The following NNMT variants were observed in gnomAD, a reference collection of about 807,000 sequenced individuals.
NNMT encodes the protein nicotinamide N-methyltransferase.
Under a neutral mutation model 11.7 loss-of-function variants are expected in NNMT, and 10 were observed. That is an observed-to-expected ratio of 0.85 (90% confidence interval 0.53 to 1.45). NNMT has a LOEUF of 1.45. NNMT is among the 40% of genes most tolerant of loss of function. The pLI is 0.00. For synonymous variants in NNMT, 143 were observed against 133.8 expected (o/e 1.07, Z -0.48); for missense variants, 381 against 319.4 (o/e 1.19, Z -1.47).
upstream of NNMT, chr11:114,296,309 AC>A (rs1591835573): frequency 2.3e-6 from 1 of 442,428 alleles, no homozygotes; most frequent in East Asian, 3.8e-5. Flanking sequence ...CCTCTACCAT[AC>A]CCTCCACCCC....
At chr11:114,268,070 A>T (rs1411125558) in intron 2 of NNMT, among the ~76,000 whole-genome samples, 1 of 152,192 alleles carries the variant, frequency 6.6e-6, no homozygotes, top group Non-Finnish European at 1.5e-5. Flanking sequence ...AGGGCCTGAA[A>T]TGGGGCTGGG....
At chr11:114,278,853 T>C (rs1367664089) in intron 2 of NNMT, among the ~76,000 whole-genome samples, 1 of 152,116 alleles carries the variant, frequency 6.6e-6, no homozygotes, top group Non-Finnish European at 1.5e-5. Context: ...GCTCCAAGTG[T>C]ACACAGGAGT....
At chr11:114,258,949 T>C (rs539738319) in intron 1 of NNMT, among the ~76,000 whole-genome samples, 1 of 152,274 alleles carries the variant, frequency 6.6e-6, no homozygotes, top group African/African-American at 2.4e-5. Context: ...TCTCAACTTC[T>C]CCTTTTTCAC....
intron 2 of NNMT, among the ~76,000 whole-genome samples, chr11:114,285,939 G>C (rs1028803837): frequency 1.3e-5 from 2 of 152,202 alleles, no homozygotes; most frequent in Non-Finnish European, 2.9e-5. Context: ...GCATCCTGGG[G>C]CCCTCTGATC....
intron 2 of NNMT, among the ~76,000 whole-genome samples, chr11:114,289,550 AT>A (rs1198731612): frequency 6.6e-6 from 1 of 152,088 alleles, no homozygotes; most frequent in African/African-American, 2.4e-5. Flanking sequence ...TATATGTAGT[AT>A]TTTTATTACT....
intron 2 of NNMT, among the ~76,000 whole-genome samples, chr11:114,279,043 G>A (rs1338601309): frequency 6.6e-6 from 1 of 152,168 alleles, no homozygotes; most frequent in Non-Finnish European, 1.5e-5. Context: ...TGTGTGTCCT[G>A]CGATAGGTTC....
upstream of NNMT, chr11:114,295,809 T>C (rs1945371082): frequency 6.6e-6 from 1 of 152,134 alleles, no homozygotes; most frequent in African/African-American, 2.4e-5. Flanking sequence ...TGGGGAAGCT[T>C]AGGGAGGAGG....
intron 2 of NNMT, among the ~76,000 whole-genome samples, chr11:114,306,127 G>T: frequency 2.0e-5 from 3 of 152,052 alleles, no homozygotes; most frequent in Non-Finnish European, 2.9e-5. Flanking sequence ...TCATGTGTCT[G>T]TTGGCTGCAT....
intron 2 of NNMT, 40 bp from the exon 3 acceptor site, chr11:114,312,005 C>T (rs954367916): frequency 2.0e-6 from 3 of 1,524,472 alleles, no homozygotes; most frequent in Admixed American, 2.1e-5. Flanking sequence ...TTCCCCATGA[C>T]TGGAGTGGAA....
At chr11:114,289,495 T>G (rs1478148434) in intron 2 of NNMT, among the ~76,000 whole-genome samples, 1 of 152,202 alleles carries the variant, frequency 6.6e-6, no homozygotes, top group Non-Finnish European at 1.5e-5. Context: ...ATTTGAGGAC[T>G]AGAGTTCCCT....
intron 2 of NNMT, among the ~76,000 whole-genome samples, chr11:114,284,237 C>T (rs1377371010): frequency 6.6e-6 from 1 of 152,138 alleles, no homozygotes; most frequent in Non-Finnish European, 1.5e-5. Flanking sequence ...GCAAGCTGGC[C>T]ACCTGCCACA....
At chr11:114,294,157 A>AG (rs978554452), upstream of NNMT, among the ~76,000 whole-genome samples, 1 of 152,032 alleles carries the variant, frequency 6.6e-6, no homozygotes, top group Admixed American at 6.6e-5. Flanking sequence ...CGAGGTGGGT[A>AG]GGGGGGATGT....
At chr11:114,280,793 C>T (rs2135256628) in intron 2 of NNMT, among the ~76,000 whole-genome samples, 1 of 152,238 alleles carries the variant, frequency 6.6e-6, no homozygotes, top group South Asian at 2.1e-4. Context: ...AGAGGGCAGC[C>T]AAGTCTTGAG....
intron 1 of NNMT, among the ~76,000 whole-genome samples, chr11:114,296,977 A>AG: frequency 6.6e-6 from 1 of 152,326 alleles, no homozygotes; most frequent in Admixed American, 6.5e-5. Context: ...AGGCGACTTG[A>AG]GGGAGACTTT....
intron 2 of NNMT, among the ~76,000 whole-genome samples, chr11:114,268,291 G>A (rs781564012): frequency 2.0e-5 from 3 of 152,142 alleles, no homozygotes; most frequent in Non-Finnish European, 4.4e-5. Flanking sequence ...TGTACCTTTT[G>A]TTTTAGTCCT....
rs375467929 is a variant in NNMT, at chr11:114,276,902, C to A, written c.-130+13968C>A. On this transcript the variant is annotated intron_variant, in intron 2 of 4. Coordinates refer to the NNMT transcript ENST00000535401. ...GTGACCTTTGGTGGGTCACTAACATCTCAGAGCCTCAGTTTCCTCATCTCT... is the reference window on the plus strand; with the variant it reads ...GTGACCTTTGGTGGGTCACTAACATATCAGAGCCTCAGTTTCCTCATCTCT... Among the ~76,000 whole-genome samples the A allele has an allele frequency of 1.2e-4, 19 of 152,242 alleles. No homozygotes were observed. In the East Asian group the frequency reaches 1.3e-3, roughly 11 times the overall value.
At chr11:114,279,162 T>A (rs927468070) in intron 2 of NNMT, among the ~76,000 whole-genome samples, 9 of 152,132 alleles carry the variant, frequency 5.9e-5, no homozygotes, top group African/African-American at 2.2e-4. Context: ...TAGGTATTGC[T>A]ATTGGCCTCA....
At chr11:114,306,836 G>T (rs1417972102) in intron 2 of NNMT, among the ~76,000 whole-genome samples, 1 of 152,146 alleles carries the variant, frequency 6.6e-6, no homozygotes, top group Non-Finnish European at 1.5e-5. Flanking sequence ...CCCTGTCGAG[G>T]TGGCAGTTCT....
At chr11:114,296,915 C>A (rs1241375097) in intron 1 of NNMT, among the ~76,000 whole-genome samples, 4 of 152,164 alleles carry the variant, frequency 2.6e-5, no homozygotes, top group African/African-American at 4.8e-5. Context: ...CTTGATCAAG[C>A]AAAAGGAAAC....
Sources: allele counts gnomAD v4.1 joint callset (sites outside exome capture counted in the v4.1 genomes callset), GRCh38; gene constraint gnomAD v4.1.1; transcripts MANE v1.5; gene names NCBI Gene and HGNC (gene_info 2026-07-23, HGNC 2026-07-21).